The following GALNT1 variants were observed in gnomAD, a reference collection of about 807,000 sequenced individuals.
GALNT1 encodes GalNAc transferase 1.
GALNT1 carries 17 observed loss-of-function variants against 65.7 expected under a neutral mutation model. That is an observed-to-expected ratio of 0.26 (90% CI 0.18 to 0.39). GALNT1 has a LOEUF of 0.39. Among genes scored for constraint, GALNT1 ranks in the 10% least tolerant of loss-of-function variants. The pLI, the probability that GALNT1 is intolerant of heterozygous loss-of-function variation, is 1.00. For missense variants in GALNT1, 460 were observed against 672.8 expected (o/e 0.68, Z 3.50); for synonymous variants, 210 against 219.7 (o/e 0.96, Z 0.39).
intron 1 of GALNT1, chr18:35,596,190 C>T (rs2046502758): frequency 6.6e-6 from 1 of 152,180 alleles, no homozygotes; most frequent in Non-Finnish European, 1.5e-5. Context: ...ACTAGAAAAA[C>T]TCTTTTCCCC....
chr18:35,645,379 G>A (rs946941429), intron 1 of GALNT1, among the ~76,000 whole-genome samples: 3 of 151,732 alleles, frequency 2.0e-5, no homozygotes, highest in East Asian at 1.9e-4. Flanking sequence ...GACTACAGGC[G>A]CCCGCCACCA....
intron 1 of GALNT1, among the ~76,000 whole-genome samples, chr18:35,608,865 C>G (rs745327436): frequency 6.6e-6 from 1 of 152,180 alleles, no homozygotes; most frequent in Non-Finnish European, 1.5e-5. Context: ...CGGGAAATAA[C>G]TAAGCACTAG....
chr18:35,671,699 G>A (rs921779625), intron 3 of GALNT1, among the ~76,000 whole-genome samples: 1 of 151,904 alleles, frequency 6.6e-6, no homozygotes, highest in African/African-American at 2.4e-5. Flanking sequence ...AACTGGTAAA[G>A]TTTTAGTATT....
chr18:35,677,788 G>T, intron 4 of GALNT1, 31 bp downstream of exon 4: 1 of 1,532,666 alleles, frequency 6.5e-7, no homozygotes, highest in Non-Finnish European at 8.9e-7. Context: ...CCAATAATTT[G>T]CTACACCTTT....
chr18:35,701,851 G>C lies in GALNT1; in HGVS notation c.1300-1046G>C, dbSNP rs559901629. 8.5e-5 allele frequency among the ~76,000 whole-genome samples: 13 copies of C among 152,282 alleles called. No individual in the cohort carries two copies. In the East Asian group the frequency reaches 2.1e-3, roughly 25 times the overall value. On this transcript the variant is annotated intron_variant, in intron 9 of 11. Transcript: ENST00000269195. ...CCGAGTTTGAGATTTTGGTGGAATA[G>C]CAAGATGGATGTGACTAGTGATAAA... is the stretch of plus-strand genomic sequence containing the variant.
upstream of GALNT1, chr18:35,581,063 A>T (rs1171638803): frequency 1.3e-5 from 2 of 151,996 alleles, no homozygotes; most frequent in Non-Finnish European, 2.9e-5. Flanking sequence ...GCGCAGGCTC[A>T]GCGCGGCTGA....
intron 4 of GALNT1, among the ~76,000 whole-genome samples, chr18:35,679,176 GA>G (rs1351171747): frequency 1.3e-5 from 2 of 152,104 alleles, no homozygotes; most frequent in Non-Finnish European, 2.9e-5. Flanking sequence ...CCCTCTGTAA[GA>G]AAATTAACCT....
chr18:35,657,287 G>A (rs1018574241), intron 2 of GALNT1, among the ~76,000 whole-genome samples: 11 of 152,108 alleles, frequency 7.2e-5, no homozygotes, highest in Non-Finnish European at 1.5e-4. Flanking sequence ...CAGAGATGGG[G>A]TTTCACCATG....
intron 1 of GALNT1, among the ~76,000 whole-genome samples, chr18:35,652,340 C>T (rs1310871087): frequency 1.3e-5 from 2 of 152,180 alleles, no homozygotes. Flanking sequence ...CATACTCCTT[C>T]CTTCCTCTGA....
intron 1 of GALNT1, among the ~76,000 whole-genome samples, chr18:35,637,682 A>AG (rs1385090950): frequency 6.6e-6 from 1 of 152,254 alleles, no homozygotes; most frequent in Non-Finnish European, 1.5e-5. Flanking sequence ...CCGTTGATGA[A>AG]GGTGGCTACA....
chr18:35,592,034 T>C (rs961805919), intron 1 of GALNT1, among the ~76,000 whole-genome samples: 6 of 152,162 alleles, frequency 3.9e-5, no homozygotes, highest in Admixed American at 1.3e-4. Flanking sequence ...GGCTTCATAG[T>C]TGGAGCACTG....
At position 35,689,195 on chromosome 18, in the gene GALNT1, CT is replaced by C; in HGVS notation, c.889del (p.Ser297GlnfsTer2). The C allele has an allele frequency of 6.2e-7, 1 of 1,610,536 alleles. No homozygotes were observed. ...PVRTPTMAGGLFSIDRDYFQE... is the reference protein window; with the variant it reads ...PVRTPTMAGGXFSIDRDYFQE... ...CAGGACACCTACCATGGCAGGAGGC[CT>C]TTTTTCAATAGACAGAGATTACTTT... On this transcript the variant is annotated frameshift_variant, in exon 7 of 12. Transcript: ENST00000269195. LOFTEE classifies it high-confidence loss of function.
chr18:35,612,878 A>C (rs1297245264), intron 1 of GALNT1, among the ~76,000 whole-genome samples: 1 of 150,708 alleles, frequency 6.6e-6, no homozygotes, highest in South Asian at 2.1e-4. Flanking sequence ...AAAAAAAAAA[A>C]TCCGTAGGCA....
intron 3 of GALNT1, among the ~76,000 whole-genome samples, chr18:35,674,035 T>C (rs1405573589): frequency 6.6e-6 from 1 of 152,202 alleles, no homozygotes; most frequent in East Asian, 1.9e-4. Flanking sequence ...TGTAGTACAA[T>C]AGTGTTTGTG....
chr18:35,674,350 G>A (rs1480026278), intron 3 of GALNT1, among the ~76,000 whole-genome samples: 2 of 152,152 alleles, frequency 1.3e-5, no homozygotes, highest in African/African-American at 4.8e-5. Flanking sequence ...TAATGATATG[G>A]GACTACTGTC....
intron 1 of GALNT1, among the ~76,000 whole-genome samples, chr18:35,595,645 TA>T (rs2143902891): frequency 6.6e-6 from 1 of 152,308 alleles, no homozygotes; most frequent in African/African-American, 2.4e-5. Context: ...GCATAAAAAA[TA>T]CTCTTGGCAG....
rs2047966832 is a variant in GALNT1, at chr18:35,691,753, G to A, written c.1160-428G>A. Among the ~76,000 whole-genome samples, 4 of 152,066 alleles carry A rather than the reference G, an allele frequency of 2.6e-5. No individual in the cohort carries two copies. The South Asian group carries it at 6.2e-4, about 24-fold the overall frequency. On this transcript the variant is annotated intron_variant, in intron 8 of 11. Transcript: ENST00000269195. ...ACAGTTGTTCCATCAGCTATAAGTCGGCCTGACATTGTTACTAGTCCATCC... is the reference window on the plus strand; with the variant it reads ...ACAGTTGTTCCATCAGCTATAAGTCAGCCTGACATTGTTACTAGTCCATCC...
chr18:35,706,838 T>TA (rs1555650704), intron 11 of GALNT1, among the ~76,000 whole-genome samples: 1 of 152,110 alleles, frequency 6.6e-6, no homozygotes, highest in Admixed American at 6.5e-5. Flanking sequence ...ATTGAAAACT[T>TA]AACAGTCTAG....
intron 1 of GALNT1, among the ~76,000 whole-genome samples, chr18:35,614,415 A>G (rs1312259517): frequency 6.6e-6 from 1 of 152,202 alleles, no homozygotes; most frequent in African/African-American, 2.4e-5. Flanking sequence ...GTAAAAACTC[A>G]TAACAAACTA....
Sources: allele counts gnomAD v4.1 joint callset (sites outside exome capture counted in the v4.1 genomes callset), GRCh38; gene constraint gnomAD v4.1.1; transcripts MANE v1.5; gene names NCBI Gene and HGNC (gene_info 2026-07-23, HGNC 2026-07-21).